The following GAS2 variants were observed in gnomAD, a reference collection of about 807,000 sequenced individuals.
GAS2 encodes the protein growth arrest specific 2, also known as growth arrest-specific protein 2.
In GAS2, 20 loss-of-function variants were observed where a neutral mutation model predicts 37.5. The ratio of observed to expected loss-of-function variants is 0.53; its 90% CI spans 0.37 to 0.77. GAS2 has a LOEUF of 0.77. Ranked by LOEUF, GAS2 falls within the 30% of genes least tolerant of loss-of-function variation. The pLI is 0.00. For missense variants in GAS2, 336 were observed against 373.4 expected (o/e 0.90, Z 0.82); for synonymous variants, 144 against 132.2 (o/e 1.09, Z -0.61).
intron 7 of GAS2, among the ~76,000 whole-genome samples, chr11:22,789,676 A>G (rs922202177): frequency 4.0e-5 from 6 of 151,056 alleles, no homozygotes; most frequent in African/African-American, 1.5e-4. Flanking sequence ...CGCGTTAACC[A>G]GAATGGTCGC....
chr11:22,795,225 C>G (rs1490625115), intron 7 of GAS2, among the ~76,000 whole-genome samples: 1 of 152,094 alleles, frequency 6.6e-6, no homozygotes, highest in African/African-American at 2.4e-5. Flanking sequence ...AGAAAATGTT[C>G]ATTGTTTATC....
intron 3 of GAS2, among the ~76,000 whole-genome samples, chr11:22,722,284 C>A (rs1343213386): frequency 6.6e-6 from 1 of 151,886 alleles, no homozygotes; most frequent in African/African-American, 2.4e-5. Context: ...GGTCAATCAA[C>A]CAATGTATAA....
chr11:22,768,586 C>T (rs1249073994), intron 7 of GAS2, among the ~76,000 whole-genome samples: 3 of 152,134 alleles, frequency 2.0e-5, no homozygotes, highest in African/African-American at 2.4e-5. Flanking sequence ...CCACAAACTC[C>T]GTGGGAACAA....
At position 22,749,166 on chromosome 11, in the gene GAS2, G is replaced by A. The variant is rs1853585380; in HGVS notation, c.520G>A (p.Glu174Lys). 2 of 1,612,456 alleles carry A rather than the reference G, an allele frequency of 1.2e-6. No homozygotes were observed. The highest frequency in any genetic ancestry group is 2.2e-5 in the East Asian group (1 of 44,786). Residue 174 changes from glutamate to lysine, a missense_variant, in exon 6 of 8, where the codon GAA (glutamate) becomes AAA (lysine). By Grantham distance (56) the Glu-to-Lys change is moderately conservative. Transcript: ENST00000454584. The stretch of plus-strand genomic sequence containing the variant: ...TTTGATAAAGCTGGAAAAAGAGATT[G>A]AACAAGAAGAAACACTTTCTGCCCC... ...PGLIKLEKEI[E>K]QEETLSAPSP...
intron 3 of GAS2, among the ~76,000 whole-genome samples, chr11:22,711,490 G>T (rs867414718): frequency 6.6e-6 from 1 of 152,210 alleles, no homozygotes; most frequent in Non-Finnish European, 1.5e-5. Context: ...AGAATCAGGG[G>T]GAGACGGGGA....
intron 7 of GAS2, among the ~76,000 whole-genome samples, chr11:22,776,957 T>C (rs1855291343): frequency 1.3e-5 from 2 of 152,182 alleles, no homozygotes; most frequent in Admixed American, 1.3e-4. Flanking sequence ...ATGTCATAAC[T>C]ATTGAATTAC....
intron 6 of GAS2, among the ~76,000 whole-genome samples, chr11:22,750,952 G>T (rs572525801): frequency 2.0e-5 from 3 of 151,884 alleles, no homozygotes; most frequent in South Asian, 4.2e-4. Flanking sequence ...TGGATCAAAT[G>T]AATTTTTTTA....
intron 7 of GAS2, among the ~76,000 whole-genome samples, chr11:22,775,220 G>A (rs554950560): frequency 1.3e-5 from 2 of 152,322 alleles, no homozygotes; most frequent in Admixed American, 6.5e-5. Flanking sequence ...AATCATTCAG[G>A]CTGTAGTGCA....
At chr11:22,699,411 A>T (rs934457402) in intron 3 of GAS2, among the ~76,000 whole-genome samples, 2 of 152,120 alleles carry the variant, frequency 1.3e-5, no homozygotes, top group Non-Finnish European at 2.9e-5. Flanking sequence ...GGAAAAGATG[A>T]ATTTACTGCC....
At chr11:22,700,396 G>T (rs992285046) in intron 3 of GAS2, among the ~76,000 whole-genome samples, 2 of 151,998 alleles carry the variant, frequency 1.3e-5, no homozygotes, top group African/African-American at 4.8e-5. Flanking sequence ...TAGCTCAAAA[G>T]CCTTTGATGT....
At chr11:22,715,460 C>CAAAAAAAAAAAAAAAAAAAAAA (rs1192862614) in intron 3 of GAS2, among the ~76,000 whole-genome samples, 1 of 41,768 alleles carries the variant, frequency 2.4e-5, no homozygotes, top group Non-Finnish European at 3.7e-5. Flanking sequence ...GACTCTGTCT[C>CAAAAAAAAAAAAAAAAAAAAAA]AAAAAAAAAA....
At chr11:22,772,584 G>A (rs1190517109) in intron 7 of GAS2, among the ~76,000 whole-genome samples, 1 of 152,014 alleles carries the variant, frequency 6.6e-6, no homozygotes, top group Non-Finnish European at 1.5e-5. Flanking sequence ...GATTTCCATA[G>A]GCATCATGGA....
rs1857231307 is a variant in GAS2 at position 22,812,479 on chromosome 11, A to C, written c.*463A>C. 1.3e-5 allele frequency: 2 copies of C among 153,436 alleles called. No individual in the cohort carries two copies. The highest frequency in any genetic ancestry group is 5.1e-5 in the African/African-American group (2 of 39,304). 9.5% of individuals were successfully genotyped at this position (153,436 alleles called of 1,614,324 possible). On this transcript the variant is annotated 3_prime_UTR_variant, in exon 8 of 8. Coordinates refer to ENST00000454584, the MANE Select transcript of GAS2 (RefSeq NM_001143830.3). ...GATGATTAGTGTGATAATGTGCTGC[A>C]AAAAATATCCAACAGCACTACACAT...
intron 2 of GAS2, among the ~76,000 whole-genome samples, chr11:22,678,987 A>G (rs1849557244): frequency 6.6e-6 from 1 of 152,104 alleles, no homozygotes; most frequent in Non-Finnish European, 1.5e-5. Context: ...ATTAGAATAT[A>G]AAATACCAGC....
chr11:22,728,159 A>G lies in GAS2; in HGVS notation c.409+1726A>G, dbSNP rs149430549. Among the ~76,000 whole-genome samples, 41 of 152,140 alleles carry G rather than the reference A, an allele frequency of 2.7e-4. No homozygotes were observed. The East Asian group carries it at 6.8e-3, about 25-fold the overall frequency. On this transcript the variant is annotated intron_variant, in intron 4 of 7. Coordinates refer to ENST00000454584, the MANE Select transcript of GAS2 (RefSeq NM_001143830.3). ...TACTATAGGATAAATTGGTTAATAA[A>G]AGCTATGAATGTAAATATTGTCTTG...
At chr11:22,715,021 A>G (rs577253400) in intron 3 of GAS2, among the ~76,000 whole-genome samples, 11 of 152,350 alleles carry the variant, frequency 7.2e-5, no homozygotes, top group African/African-American at 2.2e-4. Context: ...ATCAGAGCAG[A>G]ACTAAATGAA....
intron 3 of GAS2, among the ~76,000 whole-genome samples, chr11:22,719,773 T>C (rs1356062984): frequency 1.3e-5 from 2 of 152,116 alleles, no homozygotes; most frequent in Non-Finnish European, 2.9e-5. Flanking sequence ...AACTTCCACC[T>C]TGTGTTTTCA....
At chr11:22,756,080 T>A (rs1197657821) in intron 7 of GAS2, 127 bp downstream of exon 7, 1 of 632,794 alleles carries the variant, frequency 1.6e-6, no homozygotes, top group Non-Finnish European at 2.7e-6. Flanking sequence ...TGGTATGAAT[T>A]TTTTTAAAGT....
intron 7 of GAS2, among the ~76,000 whole-genome samples, chr11:22,789,846 A>G (rs1856056455): frequency 6.6e-6 from 1 of 152,152 alleles, no homozygotes; most frequent in Non-Finnish European, 1.5e-5. Flanking sequence ...ATACGGATAT[A>G]TATTTTACTT....
Sources: allele counts gnomAD v4.1 joint callset (sites outside exome capture counted in the v4.1 genomes callset), GRCh38; gene constraint gnomAD v4.1.1; transcripts MANE v1.5; gene names NCBI Gene and HGNC (gene_info 2026-07-23, HGNC 2026-07-21).